NCKAP5: variants seen among roughly 807,000 people sequenced by gnomAD.
NCKAP5 encodes the protein nck-associated protein 5.
A neutral mutation model predicts 167.0 loss-of-function variants in NCKAP5; 92 were observed. The observed-to-expected ratio is 0.55, with a 90% CI of 0.47 to 0.66. The LOEUF is 0.66. NCKAP5 is among the 30% of genes least tolerant of loss of function. The pLI, the probability that NCKAP5 is intolerant of heterozygous loss-of-function variation, is 0.00. For synonymous variants in NCKAP5, 891 were observed against 877.4 expected (o/e 1.02, Z -0.27); for missense variants, 2,378 against 2,315.0 (o/e 1.03, Z -0.56).
chr2:132,756,918 T>TTA (rs1680604694), intron 16 of NCKAP5, among the ~76,000 whole-genome samples: 1 of 152,074 alleles, frequency 6.6e-6, no homozygotes, highest in Non-Finnish European at 1.5e-5. Flanking sequence ...CACAATGGAG[T>TTA]TACAGGCAGA....
chr2:132,783,720 C>G lies in NCKAP5; in HGVS notation c.3091G>C (p.Val1031Leu). Residue 1031 changes from valine (V) to leucine (L), a missense_variant, in exon 14 of 20, where the codon GTA becomes CTA. Val to Leu is a conservative substitution (Grantham distance 32). This residue lies in a region of NCKAP5 where 1,325 missense variants were observed against 1,274.5 expected (regional missense o/e 1.04). Transcript: ENST00000409261. ...PAHAPSSSFT[V>L]MALGPPKVSP... is the part of the protein sequence containing the mutation. ...ACCTTTGGAGGCCCCAGAGCCATTA[C>G]GGTGAAGGAGCTGGAGGGGGCATGA... 1 of 1,611,832 alleles carries G rather than the reference C, an allele frequency of 6.2e-7. No individual in the cohort carries two copies. The highest frequency in any genetic ancestry group is 1.7e-5 in the Admixed American group (1 of 59,832).
At chr2:133,546,514 G>C (rs927111202) in intron 2 of NCKAP5, among the ~76,000 whole-genome samples, 2 of 152,094 alleles carry the variant, frequency 1.3e-5, no homozygotes, top group African/African-American at 2.4e-5. Context: ...GGGATATCAC[G>C]CGATGTGTGC....
intron 8 of NCKAP5, among the ~76,000 whole-genome samples, chr2:132,919,993 T>C (rs1003301658): frequency 4.6e-5 from 7 of 152,212 alleles, no homozygotes; most frequent in Non-Finnish European, 7.3e-5. Flanking sequence ...CTGGTTGAAA[T>C]GTGCATTGCT....
At chr2:133,580,705 A>G in the NCKAP5 span, among the ~76,000 whole-genome samples, 27 of 152,350 alleles carry the variant, frequency 1.8e-4, no homozygotes, top group African/African-American at 5.5e-4. Context: ...AGTACCCTAG[A>G]AGACGCAGTG....
intron 6 of NCKAP5, among the ~76,000 whole-genome samples, chr2:133,081,158 C>T (rs918044807): frequency 2.6e-5 from 4 of 151,840 alleles, no homozygotes; most frequent in Non-Finnish European, 5.9e-5. Flanking sequence ...GTAAAGAAGC[C>T]CTAAAATACA....
intron 2 of NCKAP5, among the ~76,000 whole-genome samples, chr2:133,550,082 A>C (rs1251453887): frequency 2.6e-5 from 4 of 151,336 alleles, no homozygotes; most frequent in African/African-American, 9.7e-5. Context: ...CAATAACAGG[A>C]GCTGAAATTG....
chr2:132,945,845 A>G (rs181998211), intron 8 of NCKAP5, among the ~76,000 whole-genome samples: 33 of 152,298 alleles, frequency 2.2e-4, no homozygotes, highest in Admixed American at 2.1e-3. Flanking sequence ...CAGGAGTTGA[A>G]CCCAGGGCTG....
At chr2:132,732,866 T>C (rs532816201) in intron 16 of NCKAP5, among the ~76,000 whole-genome samples, 1 of 152,316 alleles carries the variant, frequency 6.6e-6, no homozygotes, top group Admixed American at 6.5e-5. Flanking sequence ...AGAAGGGTCA[T>C]CCCAAAGGGT....
chr2:133,286,709 A>C (rs569496593), intron 4 of NCKAP5, among the ~76,000 whole-genome samples: 3 of 152,348 alleles, frequency 2.0e-5, no homozygotes, highest in Admixed American at 2.0e-4. Flanking sequence ...CACAAACTAG[A>C]ATATGTCCAA....
At chr2:132,890,757 C>G (rs933707949) in intron 8 of NCKAP5, among the ~76,000 whole-genome samples, 1 of 152,126 alleles carries the variant, frequency 6.6e-6, no homozygotes, top group Admixed American at 6.5e-5. Context: ...ATATGTGTAG[C>G]GTAGTTGGCT....
intron 8 of NCKAP5, among the ~76,000 whole-genome samples, chr2:132,946,295 C>T (rs927584077): frequency 1.3e-4 from 20 of 152,092 alleles, no homozygotes; most frequent in Non-Finnish European, 2.6e-4. Flanking sequence ...ATATGAGTGA[C>T]CTTCTAAGGC....
intron 7 of NCKAP5, among the ~76,000 whole-genome samples, chr2:132,993,737 T>C (rs1003114377): frequency 1.3e-5 from 2 of 152,228 alleles, no homozygotes; most frequent in African/African-American, 4.8e-5. Flanking sequence ...TGGAGTTCTC[T>C]ATTCCACAGG....
chr2:133,088,384 A>C (rs193060351), intron 6 of NCKAP5, among the ~76,000 whole-genome samples: 1 of 152,222 alleles, frequency 6.6e-6, no homozygotes, highest in East Asian at 1.9e-4. Context: ...GAAGTACAAT[A>C]GCTCTTTCTG....
At chr2:133,631,685 C>G in the NCKAP5 span, among the ~76,000 whole-genome samples, 1 of 152,186 alleles carries the variant, frequency 6.6e-6, no homozygotes, top group African/African-American at 2.4e-5. Context: ...AAAATGTTCT[C>G]TAAGACTAGT....
At chr2:132,886,608 C>T (rs1377844440) in intron 8 of NCKAP5, among the ~76,000 whole-genome samples, 2 of 152,178 alleles carry the variant, frequency 1.3e-5, no homozygotes, top group Non-Finnish European at 2.9e-5. Context: ...TGTTGTCTTT[C>T]ATGATCTTGA....
At chr2:132,795,813 C>A (rs535903414) in intron 12 of NCKAP5, among the ~76,000 whole-genome samples, 3 of 106,054 alleles carry the variant, frequency 2.8e-5, no homozygotes, top group African/African-American at 1.1e-4. Context: ...GATGAGACCC[C>A]GTATCAGAAA....
intron 8 of NCKAP5, among the ~76,000 whole-genome samples, chr2:132,882,660 GGTTCA>G (rs1214514189): frequency 3.3e-5 from 5 of 151,834 alleles, no homozygotes; most frequent in African/African-American, 1.2e-4. Flanking sequence ...TTTGAAATTC[GGTTCA>G]GTTCATTTGT....
intron 5 of NCKAP5, among the ~76,000 whole-genome samples, chr2:133,203,193 T>C (rs2085781777): frequency 6.6e-6 from 1 of 152,134 alleles, no homozygotes; most frequent in Non-Finnish European, 1.5e-5. Flanking sequence ...ATATACACCA[T>C]GGAATACTAT....
chr2:133,384,278 T>A (rs1361546341), intron 3 of NCKAP5, among the ~76,000 whole-genome samples: 1 of 152,252 alleles, frequency 6.6e-6, no homozygotes, highest in African/African-American at 2.4e-5. Flanking sequence ...TACATATGGC[T>A]AGCCAGTTTT....
Sources: gnomAD v4.1 joint callset for allele counts (sites outside exome capture counted in the v4.1 genomes callset) on GRCh38, gnomAD v4.1.1 for gene constraint, gnomAD v4.1.1 regional missense constraint, MANE v1.5 for transcripts, NCBI Gene and HGNC (gene_info 2026-07-23, HGNC 2026-07-21) for gene names.